PRR16: variants seen among roughly 807,000 people sequenced by gnomAD.
PRR16 encodes proline rich 16.
A neutral mutation model predicts 18.2 loss-of-function variants in PRR16; 6 were observed. The observed-to-expected ratio is 0.33, with a 90% CI of 0.18 to 0.65. The LOEUF (loss-of-function observed/expected upper bound fraction) is 0.65, where lower values mean the gene tolerates loss of function less well. Ranked by LOEUF, PRR16 falls within the 30% of genes least tolerant of loss-of-function variation. The pLI is 0.74. For missense variants in PRR16, 412 were observed against 376.6 expected (o/e 1.09, Z -0.78); for synonymous variants, 151 against 147.8 (o/e 1.02, Z -0.16).
At chr5:120,590,484 TACTC>T (rs201364739) in intron 1 of PRR16, among the ~76,000 whole-genome samples, 2,654 of 137,100 alleles carry the variant, frequency 0.019, 78 homozygotes, top group African/African-American at 0.069. Flanking sequence ...CAATATTTGA[TACTC>T]ATTCTATAAA....
chr5:120,508,695 C>T (rs768175594), intron 1 of PRR16, among the ~76,000 whole-genome samples: 1 of 152,082 alleles, frequency 6.6e-6, no homozygotes, highest in African/African-American at 2.4e-5. Flanking sequence ...ATTTGGATAA[C>T]GTCATTCTGC....
intron 1 of PRR16, among the ~76,000 whole-genome samples, chr5:120,661,821 G>A (rs1283699345): frequency 6.6e-6 from 1 of 151,964 alleles, no homozygotes; most frequent in African/African-American, 2.4e-5. Flanking sequence ...CCCAACCATT[G>A]TTTTAAAACA....
At chr5:120,701,297 C>T in the PRR16 span, among the ~76,000 whole-genome samples, 86 of 152,154 alleles carry the variant, frequency 5.7e-4, no homozygotes, top group Non-Finnish European at 1.1e-3. Context: ...GGTAACAAAA[C>T]GTATTTTGAG....
intron 1 of PRR16, among the ~76,000 whole-genome samples, chr5:120,507,883 A>G (rs1412833858): frequency 1.3e-5 from 2 of 152,112 alleles, no homozygotes; most frequent in African/African-American, 4.8e-5. Context: ...GGGTTAGATG[A>G]CAGCTGGATG....
intron 1 of PRR16, among the ~76,000 whole-genome samples, chr5:120,517,519 T>C (rs1380450111): frequency 1.3e-5 from 2 of 152,176 alleles, no homozygotes; most frequent in Non-Finnish European, 2.9e-5. Flanking sequence ...CTATTCTTCT[T>C]TAAAGAACAT....
At chr5:120,726,903 ATAGTT>A in the PRR16 span, among the ~76,000 whole-genome samples, 4 of 152,100 alleles carry the variant, frequency 2.6e-5, no homozygotes, top group Non-Finnish European at 5.9e-5. Context: ...CATTGTTACT[ATAGTT>A]TAGAAGAGTA....
the PRR16 span, among the ~76,000 whole-genome samples, chr5:120,756,459 G>A: frequency 2.0e-4 from 30 of 151,968 alleles, no homozygotes; most frequent in African/African-American, 3.9e-4. Context: ...CACCAGCATC[G>A]GCCATTTGTT....
chr5:120,645,369 C>T (rs534240721), intron 1 of PRR16, among the ~76,000 whole-genome samples: 8 of 150,866 alleles, frequency 5.3e-5, no homozygotes, highest in South Asian at 2.1e-4. Flanking sequence ...CACACACACA[C>T]GAATACCCAC....
At chr5:120,549,611 T>G (rs185426920) in intron 1 of PRR16, among the ~76,000 whole-genome samples, 1 of 152,100 alleles carries the variant, frequency 6.6e-6, no homozygotes. Context: ...CTCCTTTCTT[T>G]CCTTCAGAAC....
At chr5:120,563,904 G>A (rs1752653698) in intron 1 of PRR16, among the ~76,000 whole-genome samples, 1 of 152,194 alleles carries the variant, frequency 6.6e-6, no homozygotes, top group Non-Finnish European at 1.5e-5. Context: ...CAAAGCACAT[G>A]GCATACTAAA....
intron 1 of PRR16, among the ~76,000 whole-genome samples, chr5:120,683,086 A>C (rs1757020348): frequency 6.6e-6 from 1 of 152,198 alleles, no homozygotes; most frequent in African/African-American, 2.4e-5. Flanking sequence ...GGGCCTAAAG[A>C]ATACCAGAGA....
chr5:120,741,456 A>G, the PRR16 span, among the ~76,000 whole-genome samples: 1 of 152,026 alleles, frequency 6.6e-6, no homozygotes, highest in African/African-American at 2.4e-5. Context: ...TGAAACTTTT[A>G]TTTCTTTTTC....
chr5:120,638,844 A>G lies in PRR16; in HGVS notation c.160-47110A>G, dbSNP rs537427758. ...GGGAAGAAAAGGGAAAAATTTTCTC[A>G]CTCTTCAATTTATAATAATGGCCCC... is the stretch of plus-strand genomic sequence containing the variant. On this transcript the variant is annotated intron_variant, in intron 1 of 1. Coordinates refer to ENST00000407149, the MANE Select transcript of PRR16 (RefSeq NM_001300783.2). Among the ~76,000 whole-genome samples the G allele has an allele frequency of 1.1e-4, 16 of 152,176 alleles. No individual in the cohort carries two copies. In the East Asian group the frequency reaches 1.2e-3, roughly 11 times the overall value.
At chr5:120,560,138 G>C (rs905133825) in intron 1 of PRR16, among the ~76,000 whole-genome samples, 4 of 151,530 alleles carry the variant, frequency 2.6e-5, no homozygotes, top group African/African-American at 9.7e-5. Context: ...TCTTTCTCTT[G>C]TCCGATTTTT....
At chr5:120,674,013 CT>C (rs527826125) in intron 1 of PRR16, among the ~76,000 whole-genome samples, 1 of 151,582 alleles carries the variant, frequency 6.6e-6, no homozygotes, top group South Asian at 2.1e-4. Flanking sequence ...TGTACAAATA[CT>C]TCCTACATTT....
At position 120,677,461 on chromosome 5, in the gene PRR16, T is replaced by C. The variant is rs138697646; in HGVS notation, c.160-8493T>C. Among the ~76,000 whole-genome samples, 322 of 152,326 alleles carry C rather than the reference T, an allele frequency of 2.1e-3. 3 individuals are homozygous for C. Among genetic ancestry groups the C allele is most frequent in the African/African-American group, 7.4e-3 (308 of 41,574 alleles). On this transcript the variant is annotated intron_variant, in intron 1 of 1. Transcript: ENST00000407149. ...AGGTCAAATAGTTAGGGGAAGGTAG[T>C]GTATTTACCGGTCTTCTTCTCTTGT...
chr5:120,556,241 T>G (rs1315492162), intron 1 of PRR16, among the ~76,000 whole-genome samples: 1 of 149,754 alleles, frequency 6.7e-6, no homozygotes, highest in Non-Finnish European at 1.5e-5. Flanking sequence ...TTGTTTTTTT[T>G]TTTTTTTTTT....
intron 1 of PRR16, among the ~76,000 whole-genome samples, chr5:120,500,377 G>A (rs976759064): frequency 6.6e-5 from 10 of 152,056 alleles, no homozygotes; most frequent in African/African-American, 1.9e-4. Context: ...TCACCCTTTC[G>A]AAGTGTCTTA....
At chr5:120,640,672 G>A (rs557535756) in intron 1 of PRR16, among the ~76,000 whole-genome samples, 1 of 152,076 alleles carries the variant, frequency 6.6e-6, no homozygotes, top group Admixed American at 6.6e-5. Flanking sequence ...TTTGTTCACA[G>A]GGTAACTTTT....
Sources: allele counts gnomAD v4.1 joint callset (sites outside exome capture counted in the v4.1 genomes callset), GRCh38; gene constraint gnomAD v4.1.1; transcripts MANE v1.5; gene names NCBI Gene and HGNC (gene_info 2026-07-23, HGNC 2026-07-21).